Variants in DCLK3 observed in about 807,000 individuals in gnomAD.
DCLK3 encodes doublecortin like kinase 3, also known as serine/threonine-protein kinase DCLK3.
Under a neutral mutation model 46.4 loss-of-function variants are expected in DCLK3, and 30 were observed. That is an observed-to-expected ratio of 0.65 (90% CI 0.48 to 0.88). The LOEUF is 0.88. DCLK3 is among the 40% of genes least tolerant of loss of function. DCLK3 has a pLI of 0.00. For synonymous variants in DCLK3, 401 were observed against 339.2 expected (o/e 1.18, Z -2.00); for missense variants, 846 against 907.1 (o/e 0.93, Z 0.87).
chr3:36,738,438 C>A lies in DCLK3; in HGVS notation c.729G>T (p.Arg243Ser). ...SEVAGCKAAM[R>S]HQGKIPEELS... Reference sequence around the variant, plus strand: ...GCTCCTCGGGGATCTTCCCCTGGTGCCTCATGGCTGCCTTGCATCCTGCAA... The same window carrying A: ...GCTCCTCGGGGATCTTCCCCTGGTGACTCATGGCTGCCTTGCATCCTGCAA... The change falls in exon 2 of 5, where the codon AGG (arginine) becomes AGT (serine). Residue 243 changes from arginine (R) to serine (S), a missense_variant. Coordinates refer to ENST00000636136, the MANE Select transcript of DCLK3 (RefSeq NM_001394672.2). 6.8e-7 allele frequency: 1 copy of A among 1,478,052 alleles called. No homozygotes were observed. Among genetic ancestry groups the A allele is most frequent in the Non-Finnish European group, 9.0e-7 (1 of 1,115,426 alleles). The allele number at this position is 1,478,052 out of a possible 1,614,324, so 91.6% of individuals were successfully genotyped here.
chr3:36,756,303 G>A (rs568480324), intron 1 of DCLK3, among the ~76,000 whole-genome samples: 1 of 152,356 alleles, frequency 6.6e-6, no homozygotes, highest in African/African-American at 2.4e-5. Context: ...ATTGGTGGTT[G>A]AGGGCTGCTC....
chr3:36,728,221 C>A (rs528221589), intron 2 of DCLK3, among the ~76,000 whole-genome samples: 29 of 152,306 alleles, frequency 1.9e-4, no homozygotes, highest in African/African-American at 5.8e-4. Context: ...AATAAGAACG[C>A]ATCCCTCCAA....
In DCLK3 at chr3:36,737,293, A is replaced by C; in HGVS notation, c.1874T>G (p.Leu625Arg). 3 of 1,614,196 alleles carry C rather than the reference A, an allele frequency of 1.9e-6. No individual in the cohort carries two copies. The highest frequency in any genetic ancestry group is 2.5e-6 in the Non-Finnish European group (3 of 1,180,038). Reference sequence around the variant, plus strand: ...GGCTTTGCATAAGTCCATGATCATGAGGGCAGCATCGGGCTCCGGGAACTT... The same window carrying C: ...GGCTTTGCATAAGTCCATGATCATGCGGGCAGCATCGGGCTCCGGGAACTT... ...SVKFPEPDAA[L>R]MIMDLCKALV... Residue 625 changes from leucine (L) to arginine (R), a missense_variant, in exon 2 of 5, where the codon CTC becomes CGC. Leu to Arg is a moderately radical substitution (Grantham distance 102, BLOSUM62 -2). Coordinates refer to ENST00000636136, the MANE Select transcript of DCLK3 (RefSeq NM_001394672.2). The surrounding 1 kb of genome is among the most constrained non-coding windows in gnomAD (Gnocchi z 4.4).
intron 2 of DCLK3, among the ~76,000 whole-genome samples, chr3:36,723,031 G>A (rs939855203): frequency 6.6e-6 from 1 of 152,202 alleles, no homozygotes; most frequent in East Asian, 1.9e-4. Flanking sequence ...CTAGAGACTT[G>A]TTGAATGGCT....
intron 1 of DCLK3, among the ~76,000 whole-genome samples, chr3:36,760,491 G>T (rs1228292014): frequency 6.9e-6 from 1 of 144,574 alleles, no homozygotes; most frequent in Non-Finnish European, 1.5e-5. Flanking sequence ...TTGGGGGAGG[G>T]GGGAGGGATA....
chr3:36,715,274 C>T lies in DCLK3; in HGVS notation c.*54G>A. On this transcript the variant is annotated 3_prime_UTR_variant, in exon 5 of 5. Transcript: ENST00000636136. ...ATTGTTTTTCTCTCAAACTTCTATC[C>T]TTTTCTCTGTCCTTGAGCAGAACTG... The T allele has an allele frequency of 6.3e-7, 1 of 1,588,148 alleles. No homozygotes were observed.
At chr3:36,735,471 T>G (rs1003075748) in intron 2 of DCLK3, among the ~76,000 whole-genome samples, 1 of 152,226 alleles carries the variant, frequency 6.6e-6, no homozygotes, top group Non-Finnish European at 1.5e-5. Context: ...TAGTGGTCAA[T>G]GTAGACCTCA....
At chr3:36,741,388 A>T (rs944727239) in intron 1 of DCLK3, among the ~76,000 whole-genome samples, 2 of 152,210 alleles carry the variant, frequency 1.3e-5, no homozygotes, top group African/African-American at 4.8e-5. Context: ...ACAGAGAAAG[A>T]GATTTTAGCC....
intron 2 of DCLK3, chr3:36,729,761 C>T (rs1701174562): frequency 6.6e-6 from 1 of 152,188 alleles, no homozygotes; most frequent in Admixed American, 6.5e-5. Context: ...CATGGTTTCT[C>T]GTACTTTTTC....
chr3:36,717,270 G>A (rs1224654534), intron 4 of DCLK3, among the ~76,000 whole-genome samples: 1 of 152,030 alleles, frequency 6.6e-6, no homozygotes, highest in East Asian at 1.9e-4. Flanking sequence ...TGGCTAATTT[G>A]TTTCATTTTT....
Position 36,737,233 on chromosome 3 carries a change from C to G in DCLK3, c.1934G>C (p.Arg645Pro). The G allele has an allele frequency of 6.2e-7, 1 of 1,613,630 alleles. No individual in the cohort carries two copies. The highest frequency in any genetic ancestry group is 8.5e-7 in the Non-Finnish European group (1 of 1,179,600). The change falls in exon 2 of 5, where the codon CGG (arginine) becomes CCG (proline). Residue 645 changes from arginine (R) to proline (P), a missense_variant. Arg to Pro is a moderately radical substitution (Grantham distance 103, BLOSUM62 -2). Coordinates refer to ENST00000636136, the MANE Select transcript of DCLK3 (RefSeq NM_001394672.2). This position sits in a 1 kb window ranked among gnomAD's most constrained non-coding sequence, Gnocchi z 4.4. ...VHMHDKSIVH[R>P]DLKPENLLVQ... ...CAAAAGGTTTTCCGGCTTGAGGTCC[C>G]GGTGGACAATGCTCTTGTCGTGCAT...
rs567472055 is a variant in DCLK3, at chr3:36,749,580, T to A, written c.83-10496A>T. On this transcript the variant is annotated intron_variant, in intron 1 of 4. Coordinates refer to ENST00000636136, the MANE Select transcript of DCLK3 (RefSeq NM_001394672.2). ...AATGGATCTTAGATAGGTGTAAGGATACTTGGAATATCTAAACCATCTGTC... is the reference window on the plus strand; with the variant it reads ...AATGGATCTTAGATAGGTGTAAGGAAACTTGGAATATCTAAACCATCTGTC... 2.6e-5 allele frequency among the ~76,000 whole-genome samples: 4 copies of A among 152,334 alleles called. No individual in the cohort carries two copies. The South Asian group carries it at 6.2e-4, about 24-fold the overall frequency.
At position 36,718,253 on chromosome 3, in the gene DCLK3, T is replaced by C. The variant is rs570867955; in HGVS notation, c.2093-76A>G. On this transcript the variant is annotated intron_variant, in intron 3 of 4. Transcript: ENST00000636136. ...AAAGGTGATGAAATAAATGATGGAG[T>C]ATTGTGGTTCTAAATAGATCTAAGT... 57 of 1,594,678 alleles carry C rather than the reference T, an allele frequency of 3.6e-5. 1 individual carries two copies. In the South Asian group the frequency reaches 6.4e-4, roughly 18 times the overall value.
chr3:36,720,536 C>T (rs1194560686), intron 3 of DCLK3, among the ~76,000 whole-genome samples: 2 of 136,868 alleles, frequency 1.5e-5, no homozygotes, highest in Non-Finnish European at 3.1e-5. Context: ...TGAAGTTTCA[C>T]TCTTGTTGCC....
At chr3:36,759,416 C>T (rs1701518403) in intron 1 of DCLK3, among the ~76,000 whole-genome samples, 1 of 152,188 alleles carries the variant, frequency 6.6e-6, no homozygotes, top group African/African-American at 2.4e-5. Context: ...CCACATTTTC[C>T]AGATGGCAAG....
chr3:36,749,025 T>A lies in DCLK3; in HGVS notation c.83-9941A>T, dbSNP rs570865739. Among the ~76,000 whole-genome samples, 11 of 152,272 alleles carry A rather than the reference T, an allele frequency of 7.2e-5. No individual in the cohort carries two copies. The South Asian group carries it at 8.3e-4, about 11-fold the overall frequency. ...TTTCAGTCTCACCCTAGGTTTCATGTTTCCTCCCAACTCTCCCAACTCACC... is the reference window on the plus strand; with the variant it reads ...TTTCAGTCTCACCCTAGGTTTCATGATTCCTCCCAACTCTCCCAACTCACC... On this transcript the variant is annotated intron_variant, in intron 1 of 4. Transcript: ENST00000636136.
chr3:36,735,212 C>G (rs772591919), intron 2 of DCLK3, among the ~76,000 whole-genome samples: 7 of 152,186 alleles, frequency 4.6e-5, no homozygotes, highest in Non-Finnish European at 1.0e-4. Context: ...TGCTCTGTTG[C>G]AATTGCAAAG....
chr3:36,751,063 T>TAAAAAAAAAAAGAAAA (rs1701436555), intron 1 of DCLK3, among the ~76,000 whole-genome samples: 1 of 76,476 alleles, frequency 1.3e-5, no homozygotes, highest in Non-Finnish European at 2.3e-5. Flanking sequence ...CGGGATGATC[T>TAAAAAAAAAAAGAAAA]AAAAAAAAAA....
intron 1 of DCLK3, among the ~76,000 whole-genome samples, chr3:36,759,352 C>A (rs1021988143): frequency 6.6e-6 from 1 of 152,116 alleles, no homozygotes; most frequent in Non-Finnish European, 1.5e-5. Flanking sequence ...TCATTCCAGA[C>A]GAGCCAGAGA....
Sources: allele counts gnomAD v4.1 joint callset (sites outside exome capture counted in the v4.1 genomes callset), GRCh38; gene constraint gnomAD v4.1.1; non-coding constraint Gnocchi (gnomAD v3.1); transcripts MANE v1.5; gene names NCBI Gene and HGNC (gene_info 2026-07-23, HGNC 2026-07-21).